KCNT2: variants seen among roughly 807,000 people sequenced by gnomAD.
KCNT2 encodes potassium channel subfamily T member 2.
Under a neutral mutation model 153.8 loss-of-function variants are expected in KCNT2, and 67 were observed. The ratio of observed to expected loss-of-function variants is 0.44; its 90% CI spans 0.36 to 0.53. The LOEUF is 0.53. KCNT2 is among the 20% of genes least tolerant of loss of function. KCNT2 has a pLI of 0.00. For synonymous variants in KCNT2, 500 were observed against 458.8 expected, an observed-to-expected ratio of 1.09 and a Z score of -1.15; for missense variants, 975 against 1,354.8, an observed-to-expected ratio of 0.72 and a Z score of 4.40.
chr1:196,396,864 A>T (rs1379807534), intron 13 of KCNT2, among the ~76,000 whole-genome samples: 1 of 151,370 alleles, frequency 6.6e-6, no homozygotes, highest in Non-Finnish European at 1.5e-5. Flanking sequence ...CTTTTTCAGC[A>T]AATTTGATCT....
intron 12 of KCNT2, among the ~76,000 whole-genome samples, chr1:196,401,679 T>A (rs539836627): frequency 9.0e-4 from 136 of 151,010 alleles, no homozygotes; most frequent in Admixed American, 3.8e-3. Flanking sequence ...GGGAACAGAG[T>A]TCAGGAACTT....
At position 196,381,389 on chromosome 1, in the gene KCNT2, G is replaced by A. The variant is rs182741139; in HGVS notation, c.1295-8141C>T. ...TACTTTATCAGCTTCTGATAGTATC[G>A]AAGATACTTACTGAAGCTTCTTTTT... On this transcript the variant is annotated intron_variant, in intron 13 of 27. Coordinates refer to ENST00000294725, the MANE Select transcript of KCNT2 (RefSeq NM_198503.5). 8.6e-5 allele frequency among the ~76,000 whole-genome samples: 13 copies of A among 151,800 alleles called. No homozygotes were observed. The East Asian group carries it at 1.5e-3, about 18-fold the overall frequency.
At chr1:196,326,938 A>T (rs756207142) in intron 18 of KCNT2, 49 bp from the exon 19 acceptor site, 5 of 1,019,494 alleles carry the variant, frequency 4.9e-6, no homozygotes, top group Non-Finnish European at 7.1e-6. Flanking sequence ...TACTTCATTA[A>T]AATTTGGAGA....
At chr1:196,259,098 A>T (rs1172573239) in intron 25 of KCNT2, among the ~76,000 whole-genome samples, 3 of 152,146 alleles carry the variant, frequency 2.0e-5, no homozygotes, top group African/African-American at 7.2e-5. Flanking sequence ...TGCTTTTCTG[A>T]CTAAAATATT....
At chr1:196,319,430 T>G (rs1663059968) in intron 20 of KCNT2, 54 bp downstream of exon 20, 7 of 1,255,176 alleles carry the variant, frequency 5.6e-6, no homozygotes, top group Non-Finnish European at 8.1e-6. Context: ...GCACAGCACA[T>G]GACAAACCAC....
chr1:196,337,735 T>C (rs932080652), intron 16 of KCNT2, among the ~76,000 whole-genome samples: 5 of 152,156 alleles, frequency 3.3e-5, no homozygotes, highest in African/African-American at 7.2e-5. Context: ...CTTTCTGGCC[T>C]ACTAAGCACT....
chr1:196,506,448 C>T (rs1369225805), intron 1 of KCNT2, among the ~76,000 whole-genome samples: 1 of 152,004 alleles, frequency 6.6e-6, no homozygotes, highest in African/African-American at 2.4e-5. Flanking sequence ...GAAAAATAAG[C>T]ATATAATACA....
At chr1:196,505,079 T>C (rs974383068) in intron 1 of KCNT2, among the ~76,000 whole-genome samples, 2 of 152,168 alleles carry the variant, frequency 1.3e-5, no homozygotes, top group Admixed American at 1.3e-4. Context: ...GCAGAAGCTC[T>C]TTAGGTTAAT....
At chr1:196,405,734 G>C (rs1671776640) in intron 12 of KCNT2, among the ~76,000 whole-genome samples, 1 of 151,358 alleles carries the variant, frequency 6.6e-6, no homozygotes, top group Admixed American at 6.6e-5. Context: ...CTTGAAAATT[G>C]ATCTATTTAC....
At chr1:196,275,053 G>T (rs567065775) in intron 25 of KCNT2, among the ~76,000 whole-genome samples, 30 of 151,852 alleles carry the variant, frequency 2.0e-4, no homozygotes, top group African/African-American at 6.7e-4. Flanking sequence ...CACTCTCAAT[G>T]GAATAAGTAA....
intron 1 of KCNT2, among the ~76,000 whole-genome samples, chr1:196,524,371 A>G (rs898476963): frequency 8.3e-5 from 11 of 132,502 alleles, no homozygotes; most frequent in Non-Finnish European, 1.5e-4. Flanking sequence ...ATAAGGGGGG[A>G]AAAAAAGTGG....
chr1:196,395,554 T>C (rs1476870635), intron 13 of KCNT2, among the ~76,000 whole-genome samples: 1 of 151,512 alleles, frequency 6.6e-6, no homozygotes. Flanking sequence ...TCCTTTTTAG[T>C]ATTATAATGG....
intron 6 of KCNT2, among the ~76,000 whole-genome samples, chr1:196,468,355 A>G (rs962055660): frequency 2.0e-5 from 3 of 152,110 alleles, no homozygotes; most frequent in South Asian, 2.1e-4. Flanking sequence ...AAAATCCTCC[A>G]AATAAAATTC....
chr1:196,232,699 T>TCCACA (rs1654060944), intron 27 of KCNT2, among the ~76,000 whole-genome samples: 1 of 151,526 alleles, frequency 6.6e-6, no homozygotes, highest in Non-Finnish European at 1.5e-5. Flanking sequence ...ACTTTACCTG[T>TCCACA]CCACATTGTG....
At chr1:196,546,162 A>G (rs1657065991) in intron 1 of KCNT2, among the ~76,000 whole-genome samples, 1 of 152,052 alleles carries the variant, frequency 6.6e-6, no homozygotes, top group Admixed American at 6.6e-5. Flanking sequence ...AACTTATTCA[A>G]ATCCTCAACA....
chr1:196,383,367 G>T (rs889795321), intron 13 of KCNT2, among the ~76,000 whole-genome samples: 1 of 152,250 alleles, frequency 6.6e-6, no homozygotes, highest in East Asian at 1.9e-4. Context: ...TATGCATTTG[G>T]ATGTCATGGC....
chr1:196,557,049 A>G (rs1215410846), intron 1 of KCNT2, among the ~76,000 whole-genome samples: 4 of 151,262 alleles, frequency 2.6e-5, no homozygotes, highest in Non-Finnish European at 4.5e-5. Flanking sequence ...ATATAGAGTT[A>G]GGAAAAATGA....
intron 8 of KCNT2, among the ~76,000 whole-genome samples, chr1:196,439,095 A>G (rs1468554472): frequency 2.6e-5 from 4 of 151,842 alleles, no homozygotes; most frequent in Non-Finnish European, 5.9e-5. Flanking sequence ...TATTCACAAT[A>G]TTGAGCTTAA....
chr1:196,243,005 C>T (rs1244942400), intron 26 of KCNT2, among the ~76,000 whole-genome samples: 1 of 152,086 alleles, frequency 6.6e-6, no homozygotes, highest in Non-Finnish European at 1.5e-5. Flanking sequence ...CAACTACTAC[C>T]ATAATTATGA....
Sources: allele counts gnomAD v4.1 joint callset (sites outside exome capture counted in the v4.1 genomes callset), GRCh38; gene constraint gnomAD v4.1.1; transcripts MANE v1.5; gene names NCBI Gene and HGNC (gene_info 2026-07-23, HGNC 2026-07-21).